The following TPO variants were observed in gnomAD, a reference collection of about 807,000 sequenced individuals.
TPO encodes thyroid peroxidase.
TPO carries 78 observed loss-of-function variants against 96.9 expected under a neutral mutation model. The observed-to-expected ratio is 0.81, with a 90% CI of 0.67 to 0.97. The LOEUF is 0.97. Ranked by LOEUF, TPO falls within the 50% of genes least tolerant of loss-of-function variation. TPO has a pLI of 0.00. For synonymous variants in TPO, 547 were observed against 538.0 expected (o/e 1.02, Z -0.23); for missense variants, 1,252 against 1,274.8 (o/e 0.98, Z 0.27).
At chr2:1,480,744 G>GCTGCATCCGTCCACACCACCTCCCTCCTC (rs767946283) in intron 8 of TPO, among the ~76,000 whole-genome samples, 10,133 of 111,534 alleles carry the variant, frequency 0.091, 150 homozygotes, top group Admixed American at 0.1. Flanking sequence ...TGTTTCTCCT[G>GCTGCATCCGTCCACACCACCTCCCTCCTC]CTGCATCCGT....
At chr2:1,413,756 G>A (rs1025925405) in intron 1 of TPO, 17 of 985,072 alleles carry the variant, frequency 1.7e-5, no homozygotes, top group South Asian at 9.4e-5. Context: ...CTAGATCACC[G>A]TCTACTGAGA....
chr2:1,446,734 C>T (rs1173630448), intron 5 of TPO, among the ~76,000 whole-genome samples: 2 of 152,128 alleles, frequency 1.3e-5, no homozygotes, highest in Admixed American at 6.5e-5. Flanking sequence ...CTGAGATTGG[C>T]CTTTTCACTC....
At chr2:1,402,529 G>T (rs773185496) in intron 1 of TPO, among the ~76,000 whole-genome samples, 2 of 152,196 alleles carry the variant, frequency 1.3e-5, no homozygotes, top group South Asian at 2.1e-4. Flanking sequence ...ACCCGAGACT[G>T]GTCAATTTAT....
intron 2 of TPO, among the ~76,000 whole-genome samples, chr2:1,418,423 G>A (rs1558259864): frequency 6.6e-6 from 1 of 152,204 alleles, no homozygotes; most frequent in Non-Finnish European, 1.5e-5. Context: ...CTCAGACTGG[G>A]TGGGTGCAGG....
chr2:1,502,672 G>A (rs772195575), intron 13 of TPO, among the ~76,000 whole-genome samples: 2 of 152,156 alleles, frequency 1.3e-5, no homozygotes, highest in Non-Finnish European at 2.9e-5. Flanking sequence ...TTACAGGCAT[G>A]AGCCACCGGA....
chr2:1,503,513 G>A (rs1174872971), intron 13 of TPO, among the ~76,000 whole-genome samples: 3 of 152,188 alleles, frequency 2.0e-5, no homozygotes, highest in Non-Finnish European at 4.4e-5. Context: ...CTCACTGGCG[G>A]TGGCAGGTGG....
chr2:1,374,065 C>G (rs1400513463), upstream of TPO, among the ~76,000 whole-genome samples: 2 of 152,336 alleles, frequency 1.3e-5, no homozygotes, highest in Non-Finnish European at 1.5e-5. Flanking sequence ...CACTCAGAAA[C>G]AAACAAGAGA....
At chr2:1,390,708 T>A (rs1250925484) in intron 1 of TPO, among the ~76,000 whole-genome samples, 1 of 152,266 alleles carries the variant, frequency 6.6e-6, no homozygotes, top group Admixed American at 6.5e-5. Context: ...CCTAACTTTT[T>A]AATGATTGCC....
intron 3 of TPO, among the ~76,000 whole-genome samples, chr2:1,430,272 G>C (rs909136188): frequency 1.3e-5 from 2 of 152,198 alleles, no homozygotes; most frequent in African/African-American, 4.8e-5. Context: ...TCAAGCCACA[G>C]CTTGAACAGT....
chr2:1,512,391 A>C lies in TPO; in HGVS notation c.2519-4492A>C, dbSNP rs1014899397. ...GGACACTGTCCATCTGCCTCTCCAG[A>C]TCCTGCCCCCGCCAAGGGCGTCCGA... On this transcript the variant is annotated intron_variant, in intron 14 of 16. Transcript: ENST00000329066. The C allele has an allele frequency of 1.2e-5, 12 of 985,214 alleles. No homozygotes were observed. The Admixed American group carries it at 4.9e-4, about 40-fold the overall frequency. The allele number at this position is 985,214 out of a possible 1,614,324, so 61.0% of individuals were successfully genotyped here. A position where few individuals can be genotyped will look rare whatever the true frequency, so the allele number is the denominator to read the frequency against.
intron 15 of TPO, among the ~76,000 whole-genome samples, chr2:1,531,057 C>G (rs1558424091): frequency 1.0e-5 from 1 of 98,882 alleles, no homozygotes; most frequent in East Asian, 3.5e-4. Flanking sequence ...CAAATACCCC[C>G]ACTATGTGCA....
At chr2:1,518,345 C>A (rs1674924816) in intron 15 of TPO, among the ~76,000 whole-genome samples, 1 of 152,216 alleles carries the variant, frequency 6.6e-6, no homozygotes, top group Admixed American at 6.5e-5. Context: ...AGCTTAGCAA[C>A]CAGATGTTAC....
intron 1 of TPO, among the ~76,000 whole-genome samples, chr2:1,377,320 C>A (rs1661736768): frequency 6.6e-6 from 1 of 152,156 alleles, no homozygotes; most frequent in African/African-American, 2.4e-5. Flanking sequence ...TGGTAGATTT[C>A]AAAAGCCCTA....
At chr2:1,378,513 C>A (rs1401668488) in intron 1 of TPO, among the ~76,000 whole-genome samples, 1 of 152,244 alleles carries the variant, frequency 6.6e-6, no homozygotes, top group East Asian at 1.9e-4. Context: ...CGGCTGATGG[C>A]ACAGGATCAT....
intron 14 of TPO, among the ~76,000 whole-genome samples, chr2:1,505,582 C>T (rs1467968989): frequency 1.3e-5 from 2 of 151,186 alleles, no homozygotes; most frequent in Non-Finnish European, 2.9e-5. Flanking sequence ...GGCACACCCC[C>T]ACTCCTTTTG....
chr2:1,395,413 T>TG (rs1420962679), intron 1 of TPO, among the ~76,000 whole-genome samples: 9 of 152,198 alleles, frequency 5.9e-5, no homozygotes, highest in Non-Finnish European at 5.9e-5. Flanking sequence ...TTAAAGGTCA[T>TG]GGGGAAACTT....
At chr2:1,423,985 C>T (rs1573118434) in intron 3 of TPO, among the ~76,000 whole-genome samples, 1 of 152,168 alleles carries the variant, frequency 6.6e-6, no homozygotes, top group South Asian at 2.1e-4. Flanking sequence ...GTGTGCTGCT[C>T]TCTTAGTAAC....
intron 14 of TPO, among the ~76,000 whole-genome samples, chr2:1,513,266 G>A (rs1274126885): frequency 6.6e-6 from 1 of 152,254 alleles, no homozygotes; most frequent in Non-Finnish European, 1.5e-5. Flanking sequence ...CCTCGGCTGA[G>A]TGGACATGCG....
At chr2:1,493,000 G>T (rs1021180341) in intron 10 of TPO, among the ~76,000 whole-genome samples, 1 of 152,144 alleles carries the variant, frequency 6.6e-6, no homozygotes. Flanking sequence ...AGGGGCACGA[G>T]TGTCAGGCAA....
Sources: allele counts gnomAD v4.1 joint callset (sites outside exome capture counted in the v4.1 genomes callset), GRCh38; gene constraint gnomAD v4.1.1; transcripts MANE v1.5; gene names NCBI Gene and HGNC (gene_info 2026-07-23, HGNC 2026-07-21).